The following POC1A variants were observed in gnomAD, a reference collection of about 807,000 sequenced individuals.
POC1A encodes the protein POC1 centriolar protein A, also known as POC1 centriolar protein homolog A.
In POC1A, 34 loss-of-function variants were observed where a neutral mutation model predicts 47.8. That is an observed-to-expected ratio of 0.71 (90% CI 0.54 to 0.95). POC1A has a LOEUF of 0.95. Among genes scored for constraint, POC1A ranks in the 40% least tolerant of loss-of-function variants. The pLI is 0.00. For missense variants in POC1A, 466 were observed against 528.3 expected (o/e 0.88, Z 1.16); for synonymous variants, 177 against 207.6 (o/e 0.85, Z 1.27).
chr3:52,086,496 G>A (rs1702460061), intron 10 of POC1A, among the ~76,000 whole-genome samples: 1 of 152,198 alleles, frequency 6.6e-6, no homozygotes, highest in South Asian at 2.1e-4. Flanking sequence ...CAGGGCTGCC[G>A]GGCCCCACTG....
rs117651630 is a variant in POC1A, at chr3:52,104,777, A to C, written c.982-8065T>G. 1.7e-3 allele frequency among the ~76,000 whole-genome samples: 266 copies of C among 152,332 alleles called. 4 individuals are homozygous for C. The East Asian group carries it at 0.046, about 26-fold the overall frequency. On this transcript the variant is annotated intron_variant, in intron 9 of 10. Transcript: ENST00000296484. ...CCAGTTTCCCAGTGGAATTTGAGAG[A>C]GCCGCAGAGATTCCCAGGCAGGGCC...
chr3:52,122,606 AC>A, intron 8 of POC1A, 129 bp from the exon 9 acceptor site: 1 of 655,948 alleles, frequency 1.5e-6, no homozygotes. Context: ...CCCACCTGAC[AC>A]CCCAACTCAA....
chr3:52,111,650 A>AT (rs567798669), intron 9 of POC1A, among the ~76,000 whole-genome samples: 10,575 of 139,352 alleles, frequency 0.076, 445 homozygotes, highest in African/African-American at 0.13. Context: ...CTGTCTCAAA[A>AT]TTAAAAAAAA....
At chr3:52,105,059 T>C (rs1169349935) in intron 9 of POC1A, among the ~76,000 whole-genome samples, 1 of 152,220 alleles carries the variant, frequency 6.6e-6, no homozygotes, top group Non-Finnish European at 1.5e-5. Context: ...AAACTGAAAC[T>C]GTAATAAACA....
intron 10 of POC1A, among the ~76,000 whole-genome samples, chr3:52,086,856 C>T (rs1011368921): frequency 3.9e-5 from 6 of 152,264 alleles, no homozygotes; most frequent in Non-Finnish European, 8.8e-5. Flanking sequence ...TATTCTTTCT[C>T]ATCACTGTCT....
Position 52,138,057 on chromosome 3 carries a change from A to C in POC1A, c.813+112T>G, listed in dbSNP as rs1246063669. On this transcript the variant is annotated intron_variant, in intron 7 of 10. Coordinates refer to ENST00000296484, the MANE Select transcript of POC1A (RefSeq NM_015426.5). ...AGGTCACATGGAAATGCCTCCATCCATCTCCCTGCAGGCTGTGTGGGTGAC... is the reference window on the plus strand; with the variant it reads ...AGGTCACATGGAAATGCCTCCATCCCTCTCCCTGCAGGCTGTGTGGGTGAC... The C allele has an allele frequency of 1.6e-5, 19 of 1,173,992 alleles. No individual in the cohort carries two copies. The East Asian group carries it at 2.7e-4, about 16-fold the overall frequency. 72.7% of individuals were successfully genotyped at this position (1,173,992 alleles called of 1,614,324 possible). A position where few individuals can be genotyped will look rare whatever the true frequency, so the allele number is the denominator to read the frequency against.
At chr3:52,087,584 G>A (rs1001202122) in intron 10 of POC1A, among the ~76,000 whole-genome samples, 7 of 152,262 alleles carry the variant, frequency 4.6e-5, no homozygotes, top group African/African-American at 1.4e-4. Context: ...GGAAGTACAC[G>A]AAACACTATT....
At chr3:52,124,387 T>C (rs1237473301) in intron 8 of POC1A, among the ~76,000 whole-genome samples, 1 of 152,150 alleles carries the variant, frequency 6.6e-6, no homozygotes, top group Non-Finnish European at 1.5e-5. Context: ...TGGTTAGCAG[T>C]CAGGGCACAA....
At chr3:52,108,573 T>A (rs968480410) in intron 9 of POC1A, among the ~76,000 whole-genome samples, 1 of 152,068 alleles carries the variant, frequency 6.6e-6, no homozygotes, top group Non-Finnish European at 1.5e-5. Context: ...CAGGCATCAC[T>A]CCCAAGCTCC....
rs1170619947 is a variant in POC1A, at chr3:52,091,000, C to T, written c.1125+5569G>A. ...CCCTTGGTGGAAAGCCAAAAAGAGG[C>T]AGAGATGGGTCTGAGCAGCTGCAGT... On this transcript the variant is annotated intron_variant, in intron 10 of 10. Coordinates refer to ENST00000296484, the MANE Select transcript of POC1A (RefSeq NM_015426.5). The surrounding 1 kb of genome is among the most constrained non-coding windows in gnomAD (Gnocchi z 4.2). Among the ~76,000 whole-genome samples, 2 of 152,198 alleles carry T rather than the reference C, an allele frequency of 1.3e-5. No individual in the cohort carries two copies. The highest frequency in any genetic ancestry group is 3.8e-4 in the East Asian group (2 of 5,196).
intron 1 of POC1A, 90 bp downstream of exon 1, chr3:52,154,265 C>G (rs1698651964): frequency 2.2e-6 from 3 of 1,369,726 alleles, no homozygotes; most frequent in Non-Finnish European, 2.0e-6. Context: ...GCGCCCCGCC[C>G]GCCCCTCGCA....
At chr3:52,122,528 A>G (rs879250448) in intron 8 of POC1A, 51 bp from the exon 9 acceptor site, 1 of 1,136,716 alleles carries the variant, frequency 8.8e-7, no homozygotes, top group South Asian at 1.2e-5. Flanking sequence ...TCCCCTTGCC[A>G]GTCCTTCACT....
intron 7 of POC1A, among the ~76,000 whole-genome samples, chr3:52,136,159 G>T (rs377256275): frequency 6.6e-6 from 1 of 152,162 alleles, no homozygotes; most frequent in African/African-American, 2.4e-5. Flanking sequence ...GCTGGGTGTC[G>T]TCGGTATCCC....
intron 9 of POC1A, among the ~76,000 whole-genome samples, chr3:52,114,348 G>A (rs2107056300): frequency 6.6e-6 from 1 of 152,320 alleles, no homozygotes; most frequent in Non-Finnish European, 1.5e-5. Flanking sequence ...CACAGAACTG[G>A]AACAACAGGG....
At chr3:52,114,589 G>A (rs1703496055) in intron 9 of POC1A, among the ~76,000 whole-genome samples, 1 of 152,108 alleles carries the variant, frequency 6.6e-6, no homozygotes, top group Non-Finnish European at 1.5e-5. Flanking sequence ...CCAGTCAGGG[G>A]TCTCTTATTA....
intron 7 of POC1A, among the ~76,000 whole-genome samples, chr3:52,135,293 T>C (rs748272051): frequency 2.0e-4 from 31 of 152,360 alleles, no homozygotes; most frequent in Non-Finnish European, 3.4e-4. Flanking sequence ...GTCCAGCCAG[T>C]GGACCCCGTA....
intron 7 of POC1A, among the ~76,000 whole-genome samples, chr3:52,133,400 C>T (rs1257446802): frequency 2.6e-5 from 4 of 152,222 alleles, no homozygotes; most frequent in East Asian, 1.9e-4. Context: ...CAGCACAGAA[C>T]AGACTAAGAT....
chr3:52,128,104 G>A (rs1188061454), intron 7 of POC1A, among the ~76,000 whole-genome samples: 1 of 152,208 alleles, frequency 6.6e-6, no homozygotes, highest in African/African-American at 2.4e-5. Context: ...ACAGAGAAAA[G>A]AGAAGGAAAC....
intron 6 of POC1A, among the ~76,000 whole-genome samples, chr3:52,145,363 C>T (rs958687331): frequency 9.2e-5 from 14 of 152,328 alleles, no homozygotes; most frequent in African/African-American, 2.6e-4. Context: ...TCTACATCTG[C>T]GGAGGACACT....
Sources: gnomAD v4.1 joint callset for allele counts (sites outside exome capture counted in the v4.1 genomes callset) on GRCh38, gnomAD v4.1.1 for gene constraint, Gnocchi (gnomAD v3.1) non-coding constraint, MANE v1.5 for transcripts, NCBI Gene and HGNC (gene_info 2026-07-23, HGNC 2026-07-21) for gene names.